ATP6V0D2: variants seen among roughly 807,000 people sequenced by gnomAD.
ATP6V0D2 encodes V-type proton ATPase subunit d 2.
ATP6V0D2 carries 40 observed loss-of-function variants against 40.0 expected under a neutral mutation model. The ratio of observed to expected loss-of-function variants is 1.00; its 90% CI spans 0.78 to 1.30. ATP6V0D2 has a LOEUF of 1.30. Among genes scored for constraint, ATP6V0D2 ranks in the 50% most tolerant of loss-of-function variants. The probability of loss-of-function intolerance (pLI) is 0.00; values close to 1 mark genes in which losing one functional copy is unlikely to be tolerated. For missense variants in ATP6V0D2, 470 were observed against 423.1 expected, an observed-to-expected ratio of 1.11 and a Z score of -0.97; for synonymous variants, 179 against 156.3, an observed-to-expected ratio of 1.15 and a Z score of -1.08.
intron 1 of ATP6V0D2, among the ~76,000 whole-genome samples, chr8:86,103,068 C>A (rs1458241537): frequency 6.6e-6 from 1 of 151,940 alleles, no homozygotes; most frequent in African/African-American, 2.4e-5. Context: ...AAACATATGA[C>A]AACAGTGTCC....
intron 5 of ATP6V0D2, among the ~76,000 whole-genome samples, chr8:86,145,334 G>A (rs1426908976): frequency 5.1e-5 from 2 of 39,446 alleles, no homozygotes; most frequent in African/African-American, 1.5e-4. Context: ...AAGAAGGAAA[G>A]AAGGAAAGAA....
intron 2 of ATP6V0D2, among the ~76,000 whole-genome samples, chr8:86,135,266 G>A (rs567479660): frequency 6.6e-6 from 1 of 152,196 alleles, no homozygotes; most frequent in African/African-American, 2.4e-5. Flanking sequence ...TGACCTCTTA[G>A]CAACTGTTAT....
intron 5 of ATP6V0D2, among the ~76,000 whole-genome samples, chr8:86,145,531 A>G (rs1819057865): frequency 6.6e-6 from 1 of 152,186 alleles, no homozygotes; most frequent in Non-Finnish European, 1.5e-5. Flanking sequence ...GTTCTTATCT[A>G]TATTATACAG....
intron 5 of ATP6V0D2, among the ~76,000 whole-genome samples, chr8:86,147,112 C>T (rs1819081295): frequency 6.6e-6 from 1 of 152,236 alleles, no homozygotes; most frequent in South Asian, 2.1e-4. Context: ...CAGTGAAAAA[C>T]AATCATAAAA....
intron 7 of ATP6V0D2, among the ~76,000 whole-genome samples, chr8:86,152,124 CAT>C (rs1819163569): frequency 1.3e-5 from 2 of 151,948 alleles, no homozygotes; most frequent in South Asian, 4.2e-4. Flanking sequence ...TCCCTGTGCT[CAT>C]ATGTTTTCAT....
At position 86,151,341 on chromosome 8, in the gene ATP6V0D2, AC is replaced by A. The variant is rs572367519; in HGVS notation, c.817-124del. 818 of 702,450 alleles carry A rather than the reference AC, an allele frequency of 1.2e-3. 3 individuals are homozygous for A. Among genetic ancestry groups the A allele is most frequent in the African/African-American group, 0.012 (616 of 53,554 alleles). The allele number at this position is 702,450 out of a possible 1,614,324, so 43.5% of individuals were successfully genotyped here. ...CGGGAGGCCAAAATCCTATAAAAAA[AC>A]ATTCAGTCCTCCTGGTATTTTTTTT... On this transcript the variant is annotated intron_variant, in intron 6 of 7. Coordinates refer to ENST00000285393, the MANE Select transcript of ATP6V0D2 (RefSeq NM_152565.1).
At chr8:86,144,771 A>T (rs1387428443) in intron 5 of ATP6V0D2, among the ~76,000 whole-genome samples, 1 of 151,986 alleles carries the variant, frequency 6.6e-6, no homozygotes, top group Non-Finnish European at 1.5e-5. Context: ...GGCTCAAATG[A>T]TCCTCCCACC....
chr8:86,126,236 C>CTATATATATATATATATATATATA (rs60590702), intron 2 of ATP6V0D2, among the ~76,000 whole-genome samples: 1,368 of 76,688 alleles, frequency 0.018, 119 homozygotes, highest in Middle Eastern at 0.031. Context: ...CGTGCTCAGC[C>CTATATATATATATATATATATATA]TATATATATA....
At chr8:86,099,291 C>T (rs1818361500) in intron 1 of ATP6V0D2, among the ~76,000 whole-genome samples, 183 bp downstream of exon 1, 1 of 152,112 alleles carries the variant, frequency 6.6e-6, no homozygotes, top group Admixed American at 6.6e-5. Flanking sequence ...AAATAAATCT[C>T]TATTTTTAAT....
At chr8:86,120,702 A>G (rs16886892) in intron 2 of ATP6V0D2, among the ~76,000 whole-genome samples, 18,181 of 152,268 alleles carry the variant, frequency 0.12, 1,424 homozygotes, top group East Asian at 0.32. Flanking sequence ...TCTACACAAG[A>G]ACCCTGCAAA....
chr8:86,135,770 G>A (rs1217476014), intron 2 of ATP6V0D2, among the ~76,000 whole-genome samples: 1 of 152,114 alleles, frequency 6.6e-6, no homozygotes. Context: ...CTGAATGGGT[G>A]GCTCTGTCAC....
intron 1 of ATP6V0D2, among the ~76,000 whole-genome samples, chr8:86,102,299 C>T (rs1818409798): frequency 6.7e-6 from 1 of 149,790 alleles, no homozygotes. Flanking sequence ...GAGACTCAGT[C>T]TGCCCCAAGC....
At chr8:86,128,632 CT>C (rs752234401) in intron 2 of ATP6V0D2, among the ~76,000 whole-genome samples, 28 of 152,142 alleles carry the variant, frequency 1.8e-4, no homozygotes, top group Non-Finnish European at 3.4e-4. Flanking sequence ...TAATATTGAA[CT>C]TTTTGAAGTT....
intron 5 of ATP6V0D2, among the ~76,000 whole-genome samples, chr8:86,146,541 C>G (rs1819071340): frequency 6.6e-6 from 1 of 152,038 alleles, no homozygotes. Flanking sequence ...ACAAAAAATA[C>G]AGAAATTAAC....
At chr8:86,103,982 T>C (rs1403198474) in intron 1 of ATP6V0D2, among the ~76,000 whole-genome samples, 27 of 151,980 alleles carry the variant, frequency 1.8e-4, no homozygotes, top group Admixed American at 1.7e-3. Context: ...TGCACCACCA[T>C]GCCTGGCTAA....
At chr8:86,114,602 G>A (rs992993083) in intron 2 of ATP6V0D2, among the ~76,000 whole-genome samples, 7 of 152,182 alleles carry the variant, frequency 4.6e-5, no homozygotes, top group African/African-American at 7.2e-5. Context: ...GCCGGGAGGC[G>A]GAGGTTGCAG....
At chr8:86,103,291 A>ATTTT (rs938035037) in intron 1 of ATP6V0D2, among the ~76,000 whole-genome samples, 2 of 107,456 alleles carry the variant, frequency 1.9e-5, no homozygotes, top group Non-Finnish European at 4.1e-5. Flanking sequence ...CTAGTTTTGT[A>ATTTT]TTTTTTTTTT....
At chr8:86,145,279 A>AAGAAAGAG (rs1819043766) in intron 5 of ATP6V0D2, among the ~76,000 whole-genome samples, 1 of 89,132 alleles carries the variant, frequency 1.1e-5, no homozygotes, top group South Asian at 4.0e-4. Flanking sequence ...GAAAGAAAGA[A>AAGAAAGAG]AGAAAGAAAG....
At chr8:86,118,355 T>A (rs994497273) in intron 2 of ATP6V0D2, among the ~76,000 whole-genome samples, 1 of 151,872 alleles carries the variant, frequency 6.6e-6, no homozygotes, top group Non-Finnish European at 1.5e-5. Flanking sequence ...ATTACAGGCG[T>A]GAGCCACCGC....
Sources: gnomAD v4.1 joint callset for allele counts (sites outside exome capture counted in the v4.1 genomes callset) on GRCh38, gnomAD v4.1.1 for gene constraint, MANE v1.5 for transcripts, NCBI Gene and HGNC (gene_info 2026-07-23, HGNC 2026-07-21) for gene names.